NXN: variants seen among roughly 807,000 people sequenced by gnomAD.
NXN encodes the protein nucleoredoxin.
NXN carries 16 observed loss-of-function variants against 48.6 expected under a neutral mutation model. The ratio of observed to expected loss-of-function variants is 0.33; its 90% CI spans 0.22 to 0.50. The LOEUF is 0.50. NXN is among the 20% of genes least tolerant of loss of function. The pLI, the probability that NXN is intolerant of heterozygous loss-of-function variation, is 0.98. For missense variants in NXN, 492 were observed against 605.5 expected, an observed-to-expected ratio of 0.81 and a Z score of 1.97; for synonymous variants, 281 against 269.6, an observed-to-expected ratio of 1.04 and a Z score of -0.41.
intron 1 of NXN, among the ~76,000 whole-genome samples, chr17:898,246 C>G (rs1043965572): frequency 6.6e-6 from 1 of 152,112 alleles, no homozygotes; most frequent in South Asian, 2.1e-4. Context: ...TACCATCCCC[C>G]CAAGACTGGA....
chr17:917,937 TAATAA>T lies in NXN; in HGVS notation c.360+61377_360+61381del, dbSNP rs2068705155. ...GTTGACAAGAACCCCTAATGGATAA[TAATAA>T]AATGTTTACTGAGCTCGTACTTTAT... On this transcript the variant is annotated intron_variant, in intron 1 of 7. Coordinates refer to ENST00000336868, the MANE Select transcript of NXN (RefSeq NM_022463.5). The surrounding 1 kb of genome is among the most constrained non-coding windows in gnomAD (Gnocchi z 4.5). 3.3e-5 allele frequency among the ~76,000 whole-genome samples: 5 copies of T among 152,110 alleles called. No homozygotes were observed. In the South Asian group the frequency reaches 1.0e-3, roughly 32 times the overall value.
intron 5 of NXN, among the ~76,000 whole-genome samples, chr17:805,887 C>T (rs555165238): frequency 2.6e-5 from 4 of 152,194 alleles, no homozygotes; most frequent in South Asian, 4.1e-4. Flanking sequence ...CATGGCGCAT[C>T]GGAGCAATCA....
intron 1 of NXN, among the ~76,000 whole-genome samples, chr17:976,277 G>GT (rs988207315): frequency 4.6e-5 from 7 of 150,706 alleles, no homozygotes; most frequent in South Asian, 2.1e-4. Flanking sequence ...TCATCCCCAG[G>GT]TTTTTTTTAA....
At chr17:809,514 G>A (rs1324982539) in intron 5 of NXN, among the ~76,000 whole-genome samples, 2 of 152,272 alleles carry the variant, frequency 1.3e-5, no homozygotes, top group Admixed American at 1.3e-4. Flanking sequence ...AGGGGTCCAG[G>A]ACCCTGGGAG....
intron 1 of NXN, among the ~76,000 whole-genome samples, chr17:853,202 G>A (rs755200092): frequency 4.6e-5 from 7 of 152,184 alleles, no homozygotes; most frequent in South Asian, 2.1e-4. Flanking sequence ...CTGGAATCCC[G>A]GTACTTTGGG....
chr17:865,558 A>G (rs1177565849), intron 1 of NXN, among the ~76,000 whole-genome samples: 3 of 151,964 alleles, frequency 2.0e-5, no homozygotes, highest in Admixed American at 2.0e-4. Context: ...CACATTTTCT[A>G]TAAAGCAATG....
At chr17:837,285 C>G (rs1018788790) in intron 1 of NXN, among the ~76,000 whole-genome samples, 2 of 152,120 alleles carry the variant, frequency 1.3e-5, no homozygotes, top group Non-Finnish European at 2.9e-5. Flanking sequence ...GCCCCCATGC[C>G]ATCTTCTAAA....
chr17:936,192 G>A (rs910966765), intron 1 of NXN, among the ~76,000 whole-genome samples: 4 of 151,396 alleles, frequency 2.6e-5, no homozygotes, highest in Non-Finnish European at 5.9e-5. Context: ...CACGCCACTC[G>A]ATTCAACCTA....
rs12942654 is a variant in NXN at position 917,084 on chromosome 17, C to G, written c.360+62235G>C. ...ATACATGCTGAAGCTACAAATCAAA[C>G]ATCCGCTTTGCCTCCAACAAGATTC... is the stretch of plus-strand genomic sequence containing the variant. On this transcript the variant is annotated intron_variant, in intron 1 of 7. Coordinates refer to ENST00000336868, the MANE Select transcript of NXN (RefSeq NM_022463.5). This position sits in a 1 kb window ranked among gnomAD's most constrained non-coding sequence, Gnocchi z 4.5. Among the ~76,000 whole-genome samples the G allele has an allele frequency of 6.6e-6, 1 of 152,062 alleles. No individual in the cohort carries two copies. Among genetic ancestry groups the G allele is most frequent in the East Asian group, 1.9e-4 (1 of 5,180 alleles).
chr17:899,165 T>A (rs1464033718), intron 1 of NXN, among the ~76,000 whole-genome samples: 1 of 151,914 alleles, frequency 6.6e-6, no homozygotes, highest in African/African-American at 2.4e-5. Flanking sequence ...ACCATGTTGG[T>A]CAGGCTCGTC....
intron 1 of NXN, among the ~76,000 whole-genome samples, chr17:930,704 A>C (rs1441512946): frequency 6.6e-6 from 1 of 152,164 alleles, no homozygotes; most frequent in Non-Finnish European, 1.5e-5. Flanking sequence ...ACATGTTATT[A>C]AATGCTAAAA....
At chr17:925,533 C>T (rs967485883) in intron 1 of NXN, among the ~76,000 whole-genome samples, 22 of 152,274 alleles carry the variant, frequency 1.4e-4, no homozygotes, top group Non-Finnish European at 2.9e-4. Context: ...GGATTACAGG[C>T]GCCCGCCACC....
At chr17:902,358 G>A (rs997871647) in intron 1 of NXN, among the ~76,000 whole-genome samples, 3 of 152,144 alleles carry the variant, frequency 2.0e-5, no homozygotes, top group Admixed American at 1.3e-4. Context: ...ACTTCAAGTC[G>A]AAGGCACGAG....
chr17:962,503 A>G (rs559043748), intron 1 of NXN, among the ~76,000 whole-genome samples: 2 of 152,288 alleles, frequency 1.3e-5, no homozygotes, highest in Non-Finnish European at 2.9e-5. Flanking sequence ...CCCCGTCTCT[A>G]CCAAAAATAC....
Position 800,468 on chromosome 17 carries a change from T to C in NXN, c.*481A>G, listed in dbSNP as rs666966. On this transcript the variant is annotated 3_prime_UTR_variant, in exon 8 of 8. Coordinates refer to ENST00000336868, the MANE Select transcript of NXN (RefSeq NM_022463.5). ...TCTCTCAGACCGAGGAAGACTGTGTTGCTTAGAAAAGGACGTCCTCACCCG... is the reference window on the plus strand; with the variant it reads ...TCTCTCAGACCGAGGAAGACTGTGTCGCTTAGAAAAGGACGTCCTCACCCG... The C allele has an allele frequency of 0.54, 81,887 of 152,668 alleles. 22,750 individuals are homozygous for C. Among genetic ancestry groups the C allele is most frequent in the East Asian group, 0.79 (4,091 of 5,190 alleles). 9.5% of individuals were successfully genotyped at this position (152,668 alleles called of 1,614,324 possible).
At chr17:907,483 G>A (rs2068591850) in intron 1 of NXN, among the ~76,000 whole-genome samples, 1 of 152,036 alleles carries the variant, frequency 6.6e-6, no homozygotes, top group Non-Finnish European at 1.5e-5. Flanking sequence ...GGGATTACAG[G>A]TGCCCGCCAC....
At chr17:943,176 C>A (rs576197558) in intron 1 of NXN, among the ~76,000 whole-genome samples, 1 of 152,216 alleles carries the variant, frequency 6.6e-6, no homozygotes, top group Non-Finnish European at 1.5e-5. Flanking sequence ...TTAGCCCCTG[C>A]GCAGGCATCA....
At chr17:826,315 G>GC (rs796799832) in intron 1 of NXN, among the ~76,000 whole-genome samples, 13 of 152,222 alleles carry the variant, frequency 8.5e-5, no homozygotes, top group Admixed American at 5.9e-4. Flanking sequence ...TGGTCCCACT[G>GC]CCCCCCGGGG....
intron 1 of NXN, among the ~76,000 whole-genome samples, chr17:827,375 C>A (rs1597635993): frequency 6.6e-6 from 1 of 152,096 alleles, no homozygotes; most frequent in Admixed American, 6.5e-5. Flanking sequence ...GTAATCCCAG[C>A]ACTTTGGGAG....
Sources: allele counts gnomAD v4.1 joint callset (sites outside exome capture counted in the v4.1 genomes callset), GRCh38; gene constraint gnomAD v4.1.1; non-coding constraint Gnocchi (gnomAD v3.1); transcripts MANE v1.5; gene names NCBI Gene and HGNC (gene_info 2026-07-23, HGNC 2026-07-21).